SRP19: variants seen among roughly 807,000 people sequenced by gnomAD.
The protein encoded by SRP19 is signal recognition particle 19 kDa protein.
In SRP19, 11 loss-of-function variants were observed where a neutral mutation model predicts 22.4. The ratio of observed to expected loss-of-function variants is 0.49; its 90% CI spans 0.31 to 0.81. SRP19 has a LOEUF of 0.81. Among genes scored for constraint, SRP19 ranks in the 40% least tolerant of loss-of-function variants. The pLI is 0.05. For missense variants in SRP19, 168 were observed against 175.9 expected (o/e 0.96, Z 0.25); for synonymous variants, 61 against 57.6 (o/e 1.06, Z -0.27).
rs908545543 is a variant in SRP19, at chr5:112,868,152, T to G, written c.*615T>G. The G allele has an allele frequency of 5.1e-6, 5 of 985,362 alleles. No individual in the cohort carries two copies. The highest frequency in any genetic ancestry group is 1.7e-5 in the African/African-American group (1 of 57,246). The allele number at this position is 985,362 out of a possible 1,614,324, so 61.0% of individuals were successfully genotyped here. A position where few individuals can be genotyped will look rare whatever the true frequency, so the allele number is the denominator to read the frequency against. ...AGTCCTGGATTTTAAGCTTTAAATT[T>G]GCTTATTTTGTAGGTTTAAGAACAT... is the stretch of plus-strand genomic sequence containing the variant. On this transcript the variant is annotated 3_prime_UTR_variant, in exon 5 of 5. Coordinates refer to ENST00000505459, the MANE Select transcript of SRP19 (RefSeq NM_003135.3).
chr5:112,866,849 A>G (rs1767622071), intron 4 of SRP19, among the ~76,000 whole-genome samples: 1 of 152,226 alleles, frequency 6.6e-6, no homozygotes, highest in Non-Finnish European at 1.5e-5. Context: ...GTCACTTCCT[A>G]TTTCCAGTAA....
intron 4 of SRP19, among the ~76,000 whole-genome samples, chr5:112,882,696 A>G (rs911070726): frequency 2.6e-5 from 4 of 152,222 alleles, no homozygotes; most frequent in Non-Finnish European, 4.4e-5. Context: ...TCACACTACA[A>G]TGGCAGAGAA....
chr5:112,895,142 G>C (rs546144707), downstream of SRP19: 1 of 149,438 alleles, frequency 6.7e-6, no homozygotes, highest in South Asian at 2.1e-4. Context: ...AGGAGGCTGA[G>C]GCAGGAGAAT....
chr5:112,862,257 C>A, intron 1 of SRP19: 1 of 549,358 alleles, frequency 1.8e-6, no homozygotes, highest in South Asian at 2.1e-5. Context: ...CTGTGCCAGT[C>A]TGATTGGTTG....
exon 5 of SRP19, chr5:112,892,811 A>G: frequency 1.9e-6 from 3 of 1,613,930 alleles, no homozygotes; most frequent in African/African-American, 1.3e-5. Flanking sequence ...CCTAGTCCAG[A>G]CCACACCTAC....
At chr5:112,880,631 G>T (rs1366996813) in intron 4 of SRP19, among the ~76,000 whole-genome samples, 2 of 152,190 alleles carry the variant, frequency 1.3e-5, no homozygotes, top group Non-Finnish European at 2.9e-5. Context: ...AAATGTGGCA[G>T]CATGTAAATT....
Position 112,868,481 on chromosome 5 carries a change from A to G in SRP19, c.*944A>G. On this transcript the variant is annotated 3_prime_UTR_variant, in exon 5 of 5. Transcript: ENST00000505459. Reference sequence around the variant, plus strand: ...AATGGCACGATATCGGCGTACCACAACCTCTGCATCCCAGGTTCAAGAGAT... The same window carrying G: ...AATGGCACGATATCGGCGTACCACAGCCTCTGCATCCCAGGTTCAAGAGAT... 1 of 622,172 alleles carries G rather than the reference A, an allele frequency of 1.6e-6. No individual in the cohort carries two copies. Among genetic ancestry groups the G allele is most frequent in the Non-Finnish European group, 2.0e-6 (1 of 497,972 alleles). The allele number at this position is 622,172 out of a possible 1,614,324, so 38.5% of individuals were successfully genotyped here.
chr5:112,890,107 G>T (rs912723400), intron 4 of SRP19, among the ~76,000 whole-genome samples: 1 of 150,254 alleles, frequency 6.7e-6, no homozygotes, highest in Non-Finnish European at 1.5e-5. Context: ...GATTACAGGC[G>T]TGAGCCACCG....
At chr5:112,889,245 A>G (rs1444608219) in intron 4 of SRP19, among the ~76,000 whole-genome samples, 1 of 150,774 alleles carries the variant, frequency 6.6e-6, no homozygotes, top group African/African-American at 2.5e-5. Flanking sequence ...CAAAAACAAA[A>G]CAAAACCCAG....
chr5:112,891,662 C>G, exon 5 of SRP19: 1 of 1,611,652 alleles, frequency 6.2e-7, no homozygotes, highest in African/African-American at 1.3e-5. Flanking sequence ...GAGAAGATGA[C>G]GTTTCCCAAG....
intron 4 of SRP19, among the ~76,000 whole-genome samples, chr5:112,874,950 G>C (rs1247134635): frequency 6.6e-6 from 1 of 151,822 alleles, no homozygotes; most frequent in Non-Finnish European, 1.5e-5. Context: ...TAATTTTTTT[G>C]TATTTAGGAG....
chr5:112,892,045 GAAAA>G, exon 5 of SRP19: 1 of 1,504,704 alleles, frequency 6.6e-7, no homozygotes, highest in Non-Finnish European at 9.3e-7. Flanking sequence ...GGAGAAGAAA[GAAAA>G]AGAGGAAGCT....
At chr5:112,879,285 C>G (rs1306417716) in intron 4 of SRP19, among the ~76,000 whole-genome samples, 5 of 136,936 alleles carry the variant, frequency 3.7e-5, no homozygotes, top group African/African-American at 5.8e-5. Context: ...AGTCCTCATT[C>G]CCAGCACTAG....
intron 4 of SRP19, chr5:112,886,997 C>G (rs712662): frequency 0.34 from 539,782 of 1,568,828 alleles, 96,999 homozygotes; most frequent in African/African-American, 0.57. Flanking sequence ...GTGGGGCCAT[C>G]TTGTTCCTGA....
chr5:112,874,029 G>C (rs950489599), downstream of SRP19, among the ~76,000 whole-genome samples: 6 of 152,034 alleles, frequency 3.9e-5, no homozygotes, highest in Non-Finnish European at 8.8e-5. Flanking sequence ...AGATGTGCCT[G>C]GTGGCACATA....
At chr5:112,864,312 C>A (rs1250497252) in intron 2 of SRP19, 145 bp from the exon 3 acceptor site, 3 of 655,694 alleles carry the variant, frequency 4.6e-6, no homozygotes, top group African/African-American at 3.7e-5. Flanking sequence ...TTTAAAATTA[C>A]AATAGAAGCA....
chr5:112,883,490 C>T (rs761325523), intron 4 of SRP19, among the ~76,000 whole-genome samples: 7 of 152,178 alleles, frequency 4.6e-5, no homozygotes, highest in Non-Finnish European at 8.8e-5. Context: ...TTGGCCACTC[C>T]TTATCAGTCT....
exon 5 of SRP19, chr5:112,892,114 C>G (rs1280174636): frequency 1.2e-6 from 2 of 1,614,056 alleles, no homozygotes; most frequent in African/African-American, 2.7e-5. Context: ...TACCACATGG[C>G]AAAACCCAGA....
intron 2 of SRP19, 94 bp downstream of exon 2, chr5:112,862,677 C>G: frequency 9.5e-7 from 1 of 1,050,782 alleles, no homozygotes; most frequent in Non-Finnish European, 1.4e-6. Context: ...AGGGGGTTCT[C>G]TTCACTGCAT....
Sources: gnomAD v4.1 joint callset for allele counts (sites outside exome capture counted in the v4.1 genomes callset) on GRCh38, gnomAD v4.1.1 for gene constraint, MANE v1.5 for transcripts, NCBI Gene and HGNC (gene_info 2026-07-23, HGNC 2026-07-21) for gene names.